TM6SF1: variants seen among roughly 807,000 people sequenced by gnomAD.
TM6SF1 encodes transmembrane 6 superfamily member 1.
TM6SF1 carries 43 observed loss-of-function variants against 47.1 expected under a neutral mutation model. The observed-to-expected ratio is 0.91, with a 90% CI of 0.72 to 1.18. TM6SF1 has a LOEUF of 1.18. Among genes scored for constraint, TM6SF1 ranks in the 50% most tolerant of loss-of-function variants. The pLI is 0.00. For synonymous variants in TM6SF1, 177 were observed against 166.3 expected (o/e 1.06, Z -0.49); for missense variants, 390 against 449.0 (o/e 0.87, Z 1.19).
intron 1 of TM6SF1, among the ~76,000 whole-genome samples, chr15:83,110,292 C>T (rs969013787): frequency 6.6e-6 from 1 of 152,082 alleles, no homozygotes; most frequent in Admixed American, 6.5e-5. Context: ...TTCCCACCCC[C>T]CAAGACTAGC....
chr15:83,109,626 C>T (rs545602500), intron 1 of TM6SF1, among the ~76,000 whole-genome samples: 1 of 152,280 alleles, frequency 6.6e-6, no homozygotes, highest in Non-Finnish European at 1.5e-5. Flanking sequence ...TCTGTTCCCT[C>T]CTTTCAGTTC....
Position 83,122,809 on chromosome 15 carries a change from T to G in TM6SF1, c.534T>G (p.Thr178=). 6.2e-7 allele frequency: 1 copy of G among 1,614,080 alleles called. No individual in the cohort carries two copies. The highest frequency in any genetic ancestry group is 1.1e-5 in the South Asian group (1 of 91,074). ...CTTTTTTCTTAAGCATACCATATAC[T>G]TGTCTTCCTGTCTGGGCTGGTTTCA... ...CPAFFLSIPY[T]CLPVWAGFRI... Residue 178 remains threonine, a synonymous_variant, in exon 6 of 10, where the codon ACT becomes ACG. Coordinates refer to ENST00000322019, the MANE Select transcript of TM6SF1 (RefSeq NM_023003.5).
At chr15:83,112,056 A>G (rs996219551) in intron 1 of TM6SF1, among the ~76,000 whole-genome samples, 2 of 152,156 alleles carry the variant, frequency 1.3e-5, no homozygotes, top group African/African-American at 4.8e-5. Context: ...CTCGTGCCCT[A>G]TCGCTGCCCC....
chr15:83,111,549 T>C, intron 1 of TM6SF1: 1 of 921,050 alleles, frequency 1.1e-6, no homozygotes, highest in Non-Finnish European at 1.3e-6. Context: ...CCCTCCCTCC[T>C]TCTATTCTTA....
intron 8 of TM6SF1, 125 bp from the exon 9 acceptor site, chr15:83,127,233 A>G: frequency 2.3e-6 from 2 of 887,958 alleles, no homozygotes; most frequent in Non-Finnish European, 1.6e-6. Context: ...AAAAAAAAAA[A>G]GAGTCCCATA....
At chr15:83,124,554 GA>G (rs2151370580) in intron 6 of TM6SF1, 117 bp from the exon 7 acceptor site, 1 of 729,400 alleles carries the variant, frequency 1.4e-6, no homozygotes, top group African/African-American at 1.8e-5. Flanking sequence ...AGTGATTTAT[GA>G]TATAAATTGT....
intron 1 of TM6SF1, among the ~76,000 whole-genome samples, chr15:83,109,186 G>A (rs548215961): frequency 6.6e-6 from 1 of 152,332 alleles, no homozygotes; most frequent in Admixed American, 6.5e-5. Context: ...GGGGGCTGGT[G>A]GCCAGGGAAG....
chr15:83,136,180 T>C (rs1315887914), intron 9 of TM6SF1: 5 of 241,026 alleles, frequency 2.1e-5, no homozygotes, highest in Non-Finnish European at 3.9e-5. Flanking sequence ...ATTGAGCCAC[T>C]AATGTTCGGT....
rs775583086 is a variant in TM6SF1 at position 83,121,996 on chromosome 15, C to T, written c.474C>T (p.Asn158=). 2 of 1,609,770 alleles carry T rather than the reference C, an allele frequency of 1.2e-6. No individual in the cohort carries two copies. The highest frequency in any genetic ancestry group is 2.7e-5 in the African/African-American group (2 of 74,700). ...GTGTTGTTGTTTTTGTGCCAGGAAA[C>T]ATTGTAGGTAAGAAACTTTATCTTA... is the stretch of plus-strand genomic sequence containing the variant. ...IMSVVVFVPG[N]IVGKYGTRIC... Residue 158 remains asparagine (N), a synonymous_variant, in exon 5 of 10, where the codon AAC becomes AAT. Transcript: ENST00000322019.
Position 83,107,977 on chromosome 15 carries a change from G to A in TM6SF1, c.92+205G>A. On this transcript the variant is annotated intron_variant, in intron 1 of 9. Transcript: ENST00000322019. The surrounding 1 kb of genome is among the most constrained non-coding windows in gnomAD (Gnocchi z 5.6). ...CCGGGTCTTGGAGCCGGGCCCTGAG[G>A]TGCCCAGGCTGGCGCATTTCGGGAT... is the stretch of plus-strand genomic sequence containing the variant. 1.8e-6 allele frequency: 2 copies of A among 1,084,832 alleles called. No homozygotes were observed. The highest frequency in any genetic ancestry group is 2.4e-6 in the Non-Finnish European group (2 of 835,680). 67.2% of individuals were successfully genotyped at this position (1,084,832 alleles called of 1,614,324 possible). A position where few individuals can be genotyped will look rare whatever the true frequency, so the allele number is the denominator to read the frequency against.
At chr15:83,127,008 T>C (rs2035819476) in intron 8 of TM6SF1, among the ~76,000 whole-genome samples, 161 bp downstream of exon 8, 1 of 152,126 alleles carries the variant, frequency 6.6e-6, no homozygotes, top group African/African-American at 2.4e-5. Context: ...CTGGCCAGCA[T>C]GGTGAAACCC....
At chr15:83,118,274 G>A (rs971755737) in intron 3 of TM6SF1, among the ~76,000 whole-genome samples, 7 of 151,932 alleles carry the variant, frequency 4.6e-5, no homozygotes, top group African/African-American at 1.2e-4. Flanking sequence ...CATACAGAGA[G>A]AGCAAGAGAG....
intron 5 of TM6SF1, among the ~76,000 whole-genome samples, 199 bp downstream of exon 5, chr15:83,122,202 C>A (rs1310106551): frequency 6.6e-6 from 1 of 152,080 alleles, no homozygotes; most frequent in African/African-American, 2.4e-5. Context: ...CAGATGTGTG[C>A]ATTGAACAAT....
intron 2 of TM6SF1, chr15:83,115,204 GCCTCC>G: frequency 6.5e-6 from 1 of 154,366 alleles, no homozygotes; most frequent in Non-Finnish European, 1.4e-5. Flanking sequence ...TGCAACCTCC[GCCTCC>G]TGGGTTCAAG....
chr15:83,133,420 C>G (rs958390195), intron 9 of TM6SF1: 1 of 152,166 alleles, frequency 6.6e-6, no homozygotes, highest in Admixed American at 6.5e-5. Flanking sequence ...GAAAACAGCT[C>G]TTAAAATTTA....
chr15:83,124,284 G>T (rs1382795056), intron 6 of TM6SF1, among the ~76,000 whole-genome samples: 1 of 152,038 alleles, frequency 6.6e-6, no homozygotes, highest in African/African-American at 2.4e-5. Context: ...ATATGTGTGT[G>T]TATATATGTA....
At chr15:83,118,304 C>T (rs1459551298) in intron 3 of TM6SF1, among the ~76,000 whole-genome samples, 1 of 151,790 alleles carries the variant, frequency 6.6e-6, no homozygotes, top group African/African-American at 2.4e-5. Context: ...AGATGGAAGG[C>T]TGGTTGAGGG....
intron 1 of TM6SF1, among the ~76,000 whole-genome samples, chr15:83,112,526 A>C (rs2034281034): frequency 6.6e-6 from 1 of 152,064 alleles, no homozygotes; most frequent in African/African-American, 2.4e-5. Flanking sequence ...AGGGAGCTCC[A>C]GACGTGTCAT....
intron 2 of TM6SF1, 110 bp from the exon 3 acceptor site, chr15:83,115,735 G>T: frequency 1.3e-6 from 1 of 787,836 alleles, no homozygotes. Context: ...ATTGTCCACA[G>T]CATCTTCTGG....
Sources: allele counts gnomAD v4.1 joint callset (sites outside exome capture counted in the v4.1 genomes callset), GRCh38; gene constraint gnomAD v4.1.1; non-coding constraint Gnocchi (gnomAD v3.1); transcripts MANE v1.5; gene names NCBI Gene and HGNC (gene_info 2026-07-23, HGNC 2026-07-21).